The following GALNT13 variants were observed in gnomAD, a reference collection of about 807,000 sequenced individuals.
GALNT13 encodes UDP-GalNAc:polypeptide N-acetylgalactosaminyltransferase 13.
Under a neutral mutation model 64.2 loss-of-function variants are expected in GALNT13, and 28 were observed. The observed-to-expected ratio is 0.44, with a 90% confidence interval of 0.32 to 0.60. The LOEUF is 0.60. Ranked by LOEUF, GALNT13 falls within the 20% of genes least tolerant of loss-of-function variation. The probability of loss-of-function intolerance (pLI) is 0.05; values close to 1 mark genes in which losing one functional copy is unlikely to be tolerated. For synonymous variants in GALNT13, 214 were observed against 224.6 expected, an observed-to-expected ratio of 0.95 and a Z score of 0.42; for missense variants, 577 against 669.8, an observed-to-expected ratio of 0.86 and a Z score of 1.53.
At chr2:153,449,213 T>C in the GALNT13 span, among the ~76,000 whole-genome samples, 41 of 152,260 alleles carry the variant, frequency 2.7e-4, no homozygotes, top group Admixed American at 2.7e-3. Context: ...TAAGAAAATA[T>C]TTCTGTGCTT....
the GALNT13 span, among the ~76,000 whole-genome samples, chr2:153,333,448 C>T: frequency 2.0e-5 from 3 of 152,206 alleles, no homozygotes; most frequent in East Asian, 5.8e-4. Context: ...CAATGGTGTC[C>T]TTCACAATTC....
the GALNT13 span, among the ~76,000 whole-genome samples, chr2:153,806,334 C>T: frequency 6.6e-6 from 1 of 151,978 alleles, no homozygotes; most frequent in Non-Finnish European, 1.5e-5. Context: ...TTGCAATTGA[C>T]TTAAATCCAT....
At chr2:153,992,475 G>A (rs547885120) in intron 3 of GALNT13, among the ~76,000 whole-genome samples, 8 of 152,244 alleles carry the variant, frequency 5.3e-5, no homozygotes, top group South Asian at 2.1e-4. Context: ...AAATGGAACA[G>A]GACCGAGTAA....
intron 2 of GALNT13, among the ~76,000 whole-genome samples, chr2:153,912,152 A>C (rs1471282630): frequency 1.3e-5 from 2 of 152,088 alleles, no homozygotes; most frequent in African/African-American, 4.8e-5. Context: ...TCAGAAAGTC[A>C]GTATTCAGGC....
chr2:153,608,422 G>A, the GALNT13 span, among the ~76,000 whole-genome samples: 1 of 152,022 alleles, frequency 6.6e-6, no homozygotes, highest in Non-Finnish European at 1.5e-5. Context: ...AGATTAAAAA[G>A]AGAAATATTT....
chr2:153,269,826 AAGAG>A, the GALNT13 span, among the ~76,000 whole-genome samples: 4 of 151,930 alleles, frequency 2.6e-5, no homozygotes, highest in African/African-American at 9.7e-5. Flanking sequence ...GGTGGCAGGA[AAGAG>A]AGAGAGGGAA....
chr2:154,330,503 T>C (rs1297060790), intron 9 of GALNT13, among the ~76,000 whole-genome samples: 2 of 152,108 alleles, frequency 1.3e-5, no homozygotes, highest in Non-Finnish European at 2.9e-5. Flanking sequence ...CTAATTTATA[T>C]ACAGCTGATT....
the GALNT13 span, among the ~76,000 whole-genome samples, chr2:153,187,022 C>T: frequency 6.6e-6 from 1 of 152,006 alleles, no homozygotes; most frequent in South Asian, 2.1e-4. Flanking sequence ...TCCAAGATTG[C>T]CATAAGAATT....
At chr2:154,094,972 A>T (rs566885141) in intron 3 of GALNT13, among the ~76,000 whole-genome samples, 1 of 152,036 alleles carries the variant, frequency 6.6e-6, no homozygotes, top group South Asian at 2.1e-4. Context: ...CCCAATACCT[A>T]TATTTTTGTA....
intron 8 of GALNT13, among the ~76,000 whole-genome samples, chr2:154,295,426 C>T (rs149078081): frequency 7.3e-5 from 11 of 151,554 alleles, no homozygotes; most frequent in African/African-American, 1.9e-4. Flanking sequence ...TGCAGTGGCG[C>T]GACCTTGGCT....
chr2:154,051,806 A>C (rs1234056203), intron 3 of GALNT13, among the ~76,000 whole-genome samples: 2 of 152,194 alleles, frequency 1.3e-5, no homozygotes. Flanking sequence ...CATGTGAGCT[A>C]TATGTTCTAA....
the GALNT13 span, among the ~76,000 whole-genome samples, chr2:153,586,611 C>A: frequency 5.5e-4 from 84 of 152,264 alleles, no homozygotes; most frequent in African/African-American, 2.0e-3. Context: ...ACCCCAATCA[C>A]AGCATTAGAT....
chr2:154,200,217 G>A (rs1468221265), intron 4 of GALNT13, among the ~76,000 whole-genome samples: 3 of 151,934 alleles, frequency 2.0e-5, no homozygotes, highest in Non-Finnish European at 2.9e-5. Flanking sequence ...TCCTCTAAGT[G>A]TGATTGTCAT....
the GALNT13 span, among the ~76,000 whole-genome samples, chr2:153,748,610 G>T: frequency 2.0e-5 from 3 of 151,892 alleles, no homozygotes; most frequent in African/African-American, 4.8e-5. Context: ...TGCCAATTTT[G>T]TATTGGATTA....
the GALNT13 span, among the ~76,000 whole-genome samples, chr2:153,391,384 G>T: frequency 6.1e-4 from 93 of 152,176 alleles, no homozygotes; most frequent in Non-Finnish European, 1.1e-3. Flanking sequence ...GAGCTATGCG[G>T]CTACTCAGAT....
the GALNT13 span, among the ~76,000 whole-genome samples, chr2:153,818,452 G>A: frequency 6.6e-6 from 1 of 152,256 alleles, no homozygotes; most frequent in African/African-American, 2.4e-5. Context: ...TGAACACCGG[G>A]GACAGTTCTG....
chr2:154,262,088 A>G (rs1690729292), intron 8 of GALNT13, among the ~76,000 whole-genome samples: 1 of 152,160 alleles, frequency 6.6e-6, no homozygotes, highest in East Asian at 1.9e-4. Context: ...CCAACCTTTT[A>G]AAGACAACAG....
chr2:153,337,626 T>G, the GALNT13 span: 3 of 152,366 alleles, frequency 2.0e-5, no homozygotes, highest in East Asian at 5.8e-4. Flanking sequence ...ACACTAATTA[T>G]AATTAAGGCA....
At chr2:153,272,902 G>T in the GALNT13 span, among the ~76,000 whole-genome samples, 1 of 152,172 alleles carries the variant, frequency 6.6e-6, no homozygotes, top group Non-Finnish European at 1.5e-5. Context: ...TAAAGAAAAT[G>T]TGGCACATAT....
Sources: allele counts gnomAD v4.1 joint callset (sites outside exome capture counted in the v4.1 genomes callset), GRCh38; gene constraint gnomAD v4.1.1; transcripts MANE v1.5; gene names NCBI Gene and HGNC (gene_info 2026-07-23, HGNC 2026-07-21).